The following DOCK9 variants were observed in gnomAD, a reference collection of about 807,000 sequenced individuals.
DOCK9 encodes dedicator of cytokinesis 9.
Under a neutral mutation model 263.3 loss-of-function variants are expected in DOCK9, and 89 were observed. The ratio of observed to expected loss-of-function variants is 0.34; its 90% CI spans 0.28 to 0.40. DOCK9 has a LOEUF of 0.40. DOCK9 is among the 10% of genes least tolerant of loss of function. The pLI is 1.00. For missense variants in DOCK9, 2,140 were observed against 2,603.4 expected, an observed-to-expected ratio of 0.82 and a Z score of 3.87; for synonymous variants, 976 against 973.1, an observed-to-expected ratio of 1.00 and a Z score of -0.06.
chr13:98,848,477 C>G (rs796815934), intron 37 of DOCK9, 115 bp downstream of exon 37: 1 of 1,076,234 alleles, frequency 9.3e-7, no homozygotes, highest in African/African-American at 1.6e-5. Context: ...CCATCAGTCC[C>G]CATGGCCGCT....
In DOCK9 at chr13:99,059,325, A is replaced by G. The variant is rs559235066; in HGVS notation, c.129+26898T>C. 2.4e-4 allele frequency among the ~76,000 whole-genome samples: 36 copies of G among 152,156 alleles called. No homozygotes were observed. In the South Asian group the frequency reaches 7.0e-3, roughly 30 times the overall value. On this transcript the variant is annotated intron_variant, in intron 1 of 32. Coordinates refer to the DOCK9 transcript ENST00000427887. ...CCACGGGTCCAGCTGTGGCATGCCG[A>G]GGTCATCTTTCTTCCCTCACCTGCT...
intron 1 of DOCK9, among the ~76,000 whole-genome samples, chr13:99,081,821 C>T (rs1222894310): frequency 1.3e-5 from 2 of 152,230 alleles, no homozygotes; most frequent in South Asian, 4.1e-4. Context: ...ACCTTCCTGA[C>T]TATTCTAAAT....
chr13:98,884,845 A>G (rs1462944281), intron 21 of DOCK9, 126 bp downstream of exon 21: 14 of 1,161,044 alleles, frequency 1.2e-5, no homozygotes, highest in Non-Finnish European at 1.7e-5. Context: ...TTGAAAATGA[A>G]TAACTAATAT....
Position 99,018,360 on chromosome 13 carries a change from G to A in DOCK9, c.130-62809C>T, listed in dbSNP as rs530075015. On this transcript the variant is annotated intron_variant, in intron 1 of 32. Coordinates refer to the DOCK9 transcript ENST00000427887. The stretch of plus-strand genomic sequence containing the variant: ...CTTCCACCTTTCACCTTCCACCACA[G>A]GATGATGTGGTATGAAGACCCTTAC... Among the ~76,000 whole-genome samples, 6 of 152,298 alleles carry A rather than the reference G, an allele frequency of 3.9e-5. No homozygotes were observed. The South Asian group carries it at 1.0e-3, about 26-fold the overall frequency.
At chr13:99,038,023 G>A (rs1195291861) in intron 1 of DOCK9, among the ~76,000 whole-genome samples, 2 of 152,038 alleles carry the variant, frequency 1.3e-5, no homozygotes, top group Non-Finnish European at 2.9e-5. Flanking sequence ...ATGTGGTAAT[G>A]GTTTTACAGA....
intron 1 of DOCK9, among the ~76,000 whole-genome samples, chr13:99,040,535 A>C (rs932563396): frequency 1.3e-5 from 2 of 152,236 alleles, no homozygotes; most frequent in Non-Finnish European, 2.9e-5. Context: ...TGTATAAATA[A>C]AGCATTCTAC....
chr13:98,879,321 A>G (rs1467369752), intron 27 of DOCK9, among the ~76,000 whole-genome samples: 1 of 152,120 alleles, frequency 6.6e-6, no homozygotes, highest in East Asian at 1.9e-4. Flanking sequence ...GCTTCACCAC[A>G]AGGGGATGCT....
chr13:99,023,148 G>C (rs145333491), intron 1 of DOCK9, among the ~76,000 whole-genome samples: 1 of 152,334 alleles, frequency 6.6e-6, no homozygotes, highest in Non-Finnish European at 1.5e-5. Context: ...GACTTGAAGA[G>C]AGATGTGCAC....
chr13:99,087,514 C>T (rs867943126), upstream of DOCK9, among the ~76,000 whole-genome samples: 22 of 152,136 alleles, frequency 1.4e-4, no homozygotes, highest in African/African-American at 4.8e-4. Context: ...GCGAGCCCAC[C>T]GTGACGCAGA....
rs183732638 is a variant in DOCK9 at position 99,007,762 on chromosome 13, C to T, written c.130-52211G>A. 2.6e-5 allele frequency among the ~76,000 whole-genome samples: 4 copies of T among 152,284 alleles called. No homozygotes were observed. The East Asian group carries it at 7.7e-4, about 29-fold the overall frequency. On this transcript the variant is annotated intron_variant, in intron 1 of 32. Transcript: ENST00000427887. ...GTTACTTGCCTAAGTATACAGCAAT[C>T]TAAGTCACTGTATTCTGTTCAACAG...
intron 1 of DOCK9, among the ~76,000 whole-genome samples, chr13:98,965,923 C>T (rs2059143391): frequency 6.6e-6 from 1 of 152,070 alleles, no homozygotes; most frequent in African/African-American, 2.4e-5. Flanking sequence ...GTTGAATTTC[C>T]TTTTTATACA....
Position 98,868,278 on chromosome 13 carries a change from G to A in DOCK9, c.3043C>T (p.Pro1015Ser). The change falls in exon 28 of 53, where the codon CCA becomes TCA. Residue 1015 changes from proline (P) to serine (S), a missense_variant. By Grantham distance (74) the Pro-to-Ser change is moderately conservative (BLOSUM62 -1). Transcript: ENST00000682017. ...PHITQKFRDN[P>S]EASKNANHSL... Reference sequence around the variant, plus strand: ...TGATTCGCGTTCTTAGATGCCTCTGGATTATCTCGAAACTTCTGAGTGATG... The same window carrying A: ...TGATTCGCGTTCTTAGATGCCTCTGAATTATCTCGAAACTTCTGAGTGATG... 1 of 1,613,912 alleles carries A rather than the reference G, an allele frequency of 6.2e-7. No individual in the cohort carries two copies. Among genetic ancestry groups the A allele is most frequent in the Non-Finnish European group, 8.5e-7 (1 of 1,179,880 alleles).
chr13:98,927,658 T>C (rs2053214032), intron 3 of DOCK9, among the ~76,000 whole-genome samples: 1 of 152,026 alleles, frequency 6.6e-6, no homozygotes, highest in Admixed American at 6.6e-5. Context: ...TCTTGCTCTG[T>C]TACCCAGGCT....
intron 9 of DOCK9, among the ~76,000 whole-genome samples, chr13:98,907,323 G>A (rs1237122397): frequency 6.6e-6 from 1 of 152,198 alleles, no homozygotes; most frequent in Non-Finnish European, 1.5e-5. Flanking sequence ...GTTCTCAGAC[G>A]CTAGAGCAGA....
At chr13:98,880,317 G>A (rs2044539341) in intron 26 of DOCK9, among the ~76,000 whole-genome samples, 1 of 151,882 alleles carries the variant, frequency 6.6e-6, no homozygotes, top group African/African-American at 2.4e-5. Context: ...CTTCATCACT[G>A]ATTTGAACAT....
At position 98,851,269 on chromosome 13, in the gene DOCK9, C is replaced by T. The variant is rs149900420; in HGVS notation, c.3947-1156G>A. 3.5e-3 allele frequency among the ~76,000 whole-genome samples: 530 copies of T among 152,294 alleles called. 3 individuals are homozygous for T. Among genetic ancestry groups the T allele is most frequent in the African/African-American group, 0.012 (489 of 41,560 alleles). ...ATCATGGCTGAGTGGGGATTTAAATCGCGTGCATCTGATTCTAAAGGCCGC... is the reference window on the plus strand; with the variant it reads ...ATCATGGCTGAGTGGGGATTTAAATTGCGTGCATCTGATTCTAAAGGCCGC... On this transcript the variant is annotated intron_variant, in intron 35 of 52. Coordinates refer to ENST00000682017, the MANE Select transcript of DOCK9 (RefSeq NM_001366683.2).
chr13:98,955,302 G>C (rs1165663707), intron 2 of DOCK9, 133 bp downstream of exon 2: 75 of 569,580 alleles, frequency 1.3e-4, no homozygotes, highest in East Asian at 3.3e-5. Flanking sequence ...CTGCGTGACA[G>C]AGCAAGACTG....
chr13:98,814,948 A>AACATAACATAAC (rs1482967205), intron 45 of DOCK9, among the ~76,000 whole-genome samples: 1 of 58,410 alleles, frequency 1.7e-5, no homozygotes, highest in Non-Finnish European at 4.0e-5. Flanking sequence ...AATAAAATAA[A>AACATAACATAAC]ATAAAATAAA....
chr13:99,042,421 C>A (rs1385850604), intron 1 of DOCK9, among the ~76,000 whole-genome samples: 1 of 152,232 alleles, frequency 6.6e-6, no homozygotes, highest in African/African-American at 2.4e-5. Flanking sequence ...GTCAGTCCTG[C>A]TGAACGGGGA....
Sources: allele counts gnomAD v4.1 joint callset (sites outside exome capture counted in the v4.1 genomes callset), GRCh38; gene constraint gnomAD v4.1.1; transcripts MANE v1.5; gene names NCBI Gene and HGNC (gene_info 2026-07-23, HGNC 2026-07-21).